Variants in LRPPRC observed in about 807,000 individuals in gnomAD.
The protein encoded by LRPPRC is leucine rich pentatricopeptide repeat containing, also known as leucine-rich PPR motif-containing protein, mitochondrial.
LRPPRC carries 120 observed loss-of-function variants against 180.3 expected under a neutral mutation model. The ratio of observed to expected loss-of-function variants is 0.67; its 90% CI spans 0.57 to 0.77. The LOEUF (loss-of-function observed/expected upper bound fraction) is 0.77, where lower values mean the gene tolerates loss of function less well. Among genes scored for constraint, LRPPRC ranks in the 30% least tolerant of loss-of-function variants. The pLI is 0.00. For synonymous variants in LRPPRC, 723 were observed against 600.0 expected (o/e 1.21, Z -3.00); for missense variants, 2,012 against 1,657.2 (o/e 1.21, Z -3.72).
rs903723118 is a variant in LRPPRC, at chr2:43,949,780, G to C, written c.1678-121C>G. 147 of 738,448 alleles carry C rather than the reference G, an allele frequency of 2.0e-4. 1 individual carries two copies. Among genetic ancestry groups the C allele is most frequent in the African/African-American group, 1.9e-4 (11 of 57,522 alleles). The allele number at this position is 738,448 out of a possible 1,614,324, so 45.7% of individuals were successfully genotyped here. On this transcript the variant is annotated intron_variant, in intron 15 of 37. Coordinates refer to ENST00000260665, the MANE Select transcript of LRPPRC (RefSeq NM_133259.4). Reference sequence around the variant, plus strand: ...CAGTAAGGTACTATTCTATTTCACAGTAATTCAAAACCACCCCCACCCGCC... The same window carrying C: ...CAGTAAGGTACTATTCTATTTCACACTAATTCAAAACCACCCCCACCCGCC...
chr2:43,972,216 C>T (rs2103705204), intron 11 of LRPPRC, among the ~76,000 whole-genome samples: 1 of 152,302 alleles, frequency 6.6e-6, no homozygotes, highest in African/African-American at 2.4e-5. Context: ...CTGTGTGGCC[C>T]TCAGTTCCTT....
At chr2:43,950,708 G>A in intron 14 of LRPPRC, 108 bp from the exon 15 acceptor site, 1 of 809,308 alleles carries the variant, frequency 1.2e-6, no homozygotes, top group East Asian at 2.6e-5. Context: ...GTAAATAAAT[G>A]TTTGCTGTAT....
chr2:43,952,985 T>C (rs553170643), intron 14 of LRPPRC, among the ~76,000 whole-genome samples: 1 of 152,380 alleles, frequency 6.6e-6, no homozygotes, highest in South Asian at 2.1e-4. Flanking sequence ...ACCCCTGGGC[T>C]ACCATTTTGG....
In LRPPRC at chr2:43,899,497, T is replaced by C. The variant is rs371665135; in HGVS notation, c.3678A>G (p.Ile1226Met). 81 of 1,614,052 alleles carry C rather than the reference T, an allele frequency of 5.0e-5. No homozygotes were observed. The African/African-American group carries it at 9.2e-4, about 18-fold the overall frequency. Residue 1226 changes from isoleucine (I) to methionine (M), a missense_variant, in exon 33 of 38, where the codon ATA (isoleucine) becomes ATG (methionine). By Grantham distance (10) the Ile-to-Met change is conservative. Coordinates refer to ENST00000260665, the MANE Select transcript of LRPPRC (RefSeq NM_133259.4). ...CAACTGCTGGTTCCAACTGCTCCTCTATTACTTTTCTGAATAAGTATGCCA... is the reference window on the plus strand; with the variant it reads ...CAACTGCTGGTTCCAACTGCTCCTCCATTACTTTTCTGAATAAGTATGCCA... ...FGLAYLFRKV[I>M]EEQLEPAVEK...
At chr2:43,918,485 T>C in intron 27 of LRPPRC, 87 bp from the exon 28 acceptor site, 2 of 1,030,308 alleles carry the variant, frequency 1.9e-6, no homozygotes, top group African/African-American at 1.6e-5. Flanking sequence ...TTATTTGATG[T>C]TGAAGAAAGC....
Position 43,973,847 on chromosome 2 carries a change from G to A in LRPPRC, c.1209C>T (p.His403=), listed in dbSNP as rs375528620. 52 of 1,613,700 alleles carry A rather than the reference G, an allele frequency of 3.2e-5. No individual in the cohort carries two copies. The highest frequency in any genetic ancestry group is 1.6e-4 in the Middle Eastern group (1 of 6,084). Residue 403 remains histidine (H), a synonymous_variant, in exon 10 of 38, where the codon CAC becomes CAT. Coordinates refer to ENST00000260665, the MANE Select transcript of LRPPRC (RefSeq NM_133259.4). ...GGAGGGTGAACTGCAGAGGAAAGGA[G>A]TGCATCTGGACTTCCTTTAACTTCT... is the stretch of plus-strand genomic sequence containing the variant. ...YCKKLKEVQM[H]SFPLQFTLHC... is the part of the protein sequence containing the mutation.
chr2:43,995,015 A>G (rs1674961980), intron 1 of LRPPRC, among the ~76,000 whole-genome samples: 1 of 152,178 alleles, frequency 6.6e-6, no homozygotes, highest in Non-Finnish European at 1.5e-5. Flanking sequence ...CCGAGGCAGG[A>G]GGATCGCTTG....
chr2:43,917,922 T>G, intron 29 of LRPPRC, 103 bp downstream of exon 29: 1 of 762,344 alleles, frequency 1.3e-6, no homozygotes. Context: ...TTAAGTCCTA[T>G]CTCTATCCTA....
At chr2:43,943,626 A>C in intron 23 of LRPPRC, 61 bp downstream of exon 23, 1 of 1,411,080 alleles carries the variant, frequency 7.1e-7, no homozygotes, top group South Asian at 1.1e-5. Flanking sequence ...GTATAATCCG[A>C]AAATTATTAG....
chr2:43,988,236 C>CAAAA lies in LRPPRC; in HGVS notation c.150-5806_150-5803dup, dbSNP rs35197756. 6.9e-3 allele frequency among the ~76,000 whole-genome samples: 663 copies of CAAAA among 95,688 alleles called. 13 individuals carry two copies. The highest frequency in any genetic ancestry group is 0.026 in the African/African-American group (633 of 24,422). The allele number at this position is 95,688 out of a possible 152,430, so 62.8% of individuals were successfully genotyped here. A position where few individuals can be genotyped will look rare whatever the true frequency, so the allele number is the denominator to read the frequency against. On this transcript the variant is annotated intron_variant, in intron 1 of 37. Coordinates refer to ENST00000260665, the MANE Select transcript of LRPPRC (RefSeq NM_133259.4). The stretch of plus-strand genomic sequence containing the variant: ...AGCCTGGGAGACAGAGACTCTGTCT[C>CAAAA]AAAAAAAAAAAAAAAAAAAGCTGGA...
intron 25 of LRPPRC, among the ~76,000 whole-genome samples, chr2:43,931,386 T>C (rs1007331316): frequency 2.0e-5 from 3 of 152,210 alleles, no homozygotes; most frequent in Non-Finnish European, 4.4e-5. Flanking sequence ...GGAATCAAAC[T>C]AGCATTTATT....
chr2:43,979,188 T>C (rs1323641730), intron 3 of LRPPRC, among the ~76,000 whole-genome samples: 1 of 152,158 alleles, frequency 6.6e-6, no homozygotes, highest in Non-Finnish European at 1.5e-5. Context: ...AAGTAAAACC[T>C]GTATCCAGTG....
At chr2:43,955,474 G>GAAAAAAAAAA (rs200193004) in intron 14 of LRPPRC, among the ~76,000 whole-genome samples, 2 of 115,270 alleles carry the variant, frequency 1.7e-5, no homozygotes. Context: ...GTCTCAAAAA[G>GAAAAAAAAAA]AAAAAAAAAA....
At chr2:43,982,212 T>C in intron 2 of LRPPRC, 26 bp downstream of exon 2, 1 of 1,529,210 alleles carries the variant, frequency 6.5e-7, no homozygotes, top group Non-Finnish European at 8.8e-7. Context: ...AAAAGTCAAC[T>C]TTATGAACAG....
intron 25 of LRPPRC, among the ~76,000 whole-genome samples, chr2:43,929,511 CT>C (rs752532632): frequency 6.6e-6 from 1 of 151,952 alleles, no homozygotes; most frequent in African/African-American, 2.4e-5. Flanking sequence ...CATGACATAC[CT>C]TTTTCTTAAT....
At chr2:43,908,842 T>C (rs140635818) in intron 30 of LRPPRC, among the ~76,000 whole-genome samples, 18 of 152,300 alleles carry the variant, frequency 1.2e-4, no homozygotes, top group African/African-American at 4.1e-4. Context: ...GCCAAAACTA[T>C]GGCTCTCAAG....
At chr2:43,899,681 CT>C in intron 32 of LRPPRC, 76 bp from the exon 33 acceptor site, 1 of 911,674 alleles carries the variant, frequency 1.1e-6, no homozygotes, top group Non-Finnish European at 1.8e-6. Flanking sequence ...TAAGAACTTA[CT>C]TTTATATCCA....
chr2:43,980,548 T>A, intron 2 of LRPPRC, among the ~76,000 whole-genome samples: 1 of 111,016 alleles, frequency 9.0e-6, no homozygotes, highest in Non-Finnish European at 1.7e-5. Flanking sequence ...ATCAAGACTC[T>A]GTTTCAAAAA....
At position 43,894,598 on chromosome 2, in the gene LRPPRC, A is replaced by G. The variant is rs1670614501; in HGVS notation, c.3932T>C (p.Ile1311Thr). 2 of 1,582,822 alleles carry G rather than the reference A, an allele frequency of 1.3e-6. No homozygotes were observed. The highest frequency in any genetic ancestry group is 8.7e-7 in the Non-Finnish European group (1 of 1,151,916). Residue 1311 changes from isoleucine to threonine, a missense_variant, in exon 36 of 38, where the codon ATT becomes ACT. Coordinates refer to ENST00000260665, the MANE Select transcript of LRPPRC (RefSeq NM_133259.4). ...ASTVKSVLEL[I>T]PELNEKEEAY... ...TTCTTCCTTTTCATTTAATTCAGGA[A>G]TCAATTCTAACACAGATTTCACAGT...
Sources: gnomAD v4.1 joint callset for allele counts (sites outside exome capture counted in the v4.1 genomes callset) on GRCh38, gnomAD v4.1.1 for gene constraint, MANE v1.5 for transcripts, NCBI Gene and HGNC (gene_info 2026-07-23, HGNC 2026-07-21) for gene names.